Variants in LINGO2 observed in about 807,000 individuals in gnomAD.
The protein encoded by LINGO2 is leucine rich repeat and Ig domain containing 2.
LINGO2 carries 14 observed loss-of-function variants against 30.6 expected under a neutral mutation model. The observed-to-expected ratio is 0.46, with a 90% CI of 0.30 to 0.72. The LOEUF is 0.72. LINGO2 is among the 30% of genes least tolerant of loss of function. The pLI, the probability that LINGO2 is intolerant of heterozygous loss-of-function variation, is 0.07. For synonymous variants in LINGO2, 317 were observed against 288.5 expected, an observed-to-expected ratio of 1.10 and a Z score of -1.00; for missense variants, 729 against 751.7, an observed-to-expected ratio of 0.97 and a Z score of 0.35.
the LINGO2 span, among the ~76,000 whole-genome samples, chr9:29,055,265 C>CA: frequency 6.6e-6 from 1 of 151,606 alleles, no homozygotes; most frequent in Non-Finnish European, 1.5e-5. Flanking sequence ...ATATCTAGCA[C>CA]AAAAAAAGAA....
At chr9:28,733,828 C>A in the LINGO2 span, among the ~76,000 whole-genome samples, 1 of 152,146 alleles carries the variant, frequency 6.6e-6, no homozygotes, top group Non-Finnish European at 1.5e-5. Context: ...ATTCACATAT[C>A]TATTCTTCAT....
chr9:28,846,753 A>T, the LINGO2 span, among the ~76,000 whole-genome samples: 1 of 147,808 alleles, frequency 6.8e-6, no homozygotes. Flanking sequence ...CCCTGTTTCT[A>T]TACTATCAAT....
At chr9:28,621,638 T>G (rs979035320) in intron 1 of LINGO2, among the ~76,000 whole-genome samples, 1 of 152,054 alleles carries the variant, frequency 6.6e-6, no homozygotes. Context: ...GTCTTTTAAC[T>G]CAGCAAGTTT....
At chr9:28,479,906 C>A (rs10124798) in intron 1 of LINGO2, among the ~76,000 whole-genome samples, 1 of 98,132 alleles carries the variant, frequency 1.0e-5, no homozygotes, top group Admixed American at 1.2e-4. Context: ...TGTATATATA[C>A]GTAGGTATAT....
chr9:28,491,356 TAGA>T (rs1362014565), intron 1 of LINGO2, among the ~76,000 whole-genome samples: 1 of 152,176 alleles, frequency 6.6e-6, no homozygotes, highest in East Asian at 1.9e-4. Context: ...TTATCTGTTT[TAGA>T]AGGACCCTTG....
At chr9:28,749,493 T>C in the LINGO2 span, among the ~76,000 whole-genome samples, 5 of 152,088 alleles carry the variant, frequency 3.3e-5, no homozygotes, top group Non-Finnish European at 5.9e-5. Flanking sequence ...AAATTGCTCA[T>C]TTATAAGTCA....
intron 1 of LINGO2, among the ~76,000 whole-genome samples, chr9:28,570,366 A>G (rs1193553264): frequency 6.6e-6 from 1 of 151,968 alleles, no homozygotes; most frequent in Non-Finnish European, 1.5e-5. Context: ...CAACCCATAC[A>G]TTAGTATTAA....
At chr9:28,307,427 T>C (rs1287585570) in intron 3 of LINGO2, among the ~76,000 whole-genome samples, 1 of 152,160 alleles carries the variant, frequency 6.6e-6, no homozygotes, top group Non-Finnish European at 1.5e-5. Flanking sequence ...ATGGGACGTA[T>C]CTCAAAACAA....
chr9:28,941,358 G>A, the LINGO2 span, among the ~76,000 whole-genome samples: 1 of 152,040 alleles, frequency 6.6e-6, no homozygotes, highest in Non-Finnish European at 1.5e-5. Flanking sequence ...AGAAACAAAC[G>A]ATACCCTATT....
the LINGO2 span, among the ~76,000 whole-genome samples, chr9:29,009,592 A>T: frequency 2.6e-5 from 4 of 152,214 alleles, no homozygotes; most frequent in African/African-American, 7.2e-5. Flanking sequence ...TATCATGAAA[A>T]TGGCCATACT....
chr9:28,786,079 G>A, the LINGO2 span, among the ~76,000 whole-genome samples: 1 of 152,114 alleles, frequency 6.6e-6, no homozygotes, highest in African/African-American at 2.4e-5. Context: ...TCTTCCTCTG[G>A]ATAATCACAT....
chr9:28,850,812 A>C, the LINGO2 span, among the ~76,000 whole-genome samples: 1 of 152,000 alleles, frequency 6.6e-6, no homozygotes, highest in African/African-American at 2.4e-5. Flanking sequence ...GCATCCAATG[A>C]GTCTCTGGTT....
the LINGO2 span, among the ~76,000 whole-genome samples, chr9:28,793,185 G>A: frequency 1.3e-5 from 2 of 152,042 alleles, no homozygotes; most frequent in South Asian, 2.1e-4. Context: ...CAACAAACAT[G>A]AGTATTACTG....
intron 5 of LINGO2, among the ~76,000 whole-genome samples, chr9:27,981,571 A>G (rs200031319): frequency 0.037 from 2,693 of 73,598 alleles, 58 homozygotes; most frequent in Admixed American, 0.067. Context: ...AAAAAAAAAG[A>G]AAAAAAAAAG....
the LINGO2 span, among the ~76,000 whole-genome samples, chr9:28,938,575 C>G: frequency 6.6e-6 from 1 of 152,096 alleles, no homozygotes; most frequent in African/African-American, 2.4e-5. Context: ...TAACCATCAA[C>G]TTGGCACAAT....
the LINGO2 span, among the ~76,000 whole-genome samples, chr9:29,048,598 G>T: frequency 6.6e-6 from 1 of 152,032 alleles, no homozygotes; most frequent in African/African-American, 2.4e-5. Flanking sequence ...AACCAAAACA[G>T]CATGTTACTG....
At chr9:28,895,408 G>A in the LINGO2 span, among the ~76,000 whole-genome samples, 136,281 of 152,136 alleles carry the variant, frequency 0.9, 61,328 homozygotes, top group Non-Finnish European at 0.94. Flanking sequence ...CAAAGAGACC[G>A]TGGCAACCTT....
chr9:28,999,432 A>T, the LINGO2 span, among the ~76,000 whole-genome samples: 2 of 152,126 alleles, frequency 1.3e-5, no homozygotes, highest in Non-Finnish European at 2.9e-5. Flanking sequence ...AAAGAATACT[A>T]TCTGACTTAT....
chr9:29,101,388 A>G, the LINGO2 span, among the ~76,000 whole-genome samples: 2 of 152,308 alleles, frequency 1.3e-5, no homozygotes, highest in East Asian at 3.9e-4. Context: ...TCATAGACAT[A>G]CAAATTTAAT....
Sources: allele counts gnomAD v4.1 joint callset (sites outside exome capture counted in the v4.1 genomes callset), GRCh38; gene constraint gnomAD v4.1.1; transcripts MANE v1.5; gene names NCBI Gene and HGNC (gene_info 2026-07-23, HGNC 2026-07-21).